The following ZNF684 variants were observed in gnomAD, a reference collection of about 807,000 sequenced individuals.
ZNF684 encodes the protein hypothetical protein MGC27466.
ZNF684 carries 13 observed loss-of-function variants against 12.8 expected under a neutral mutation model. That is an observed-to-expected ratio of 1.02 (90% CI 0.66 to 1.62). The LOEUF is 1.62. Ranked by LOEUF, ZNF684 falls within the 40% of genes most tolerant of loss-of-function variation. ZNF684 has a pLI of 0.00. For missense variants in ZNF684, 384 were observed against 446.9 expected (o/e 0.86, Z 1.27); for synonymous variants, 118 against 151.8 (o/e 0.78, Z 1.64).
At chr1:40,536,308 G>T (rs1273436868) in intron 2 of ZNF684, among the ~76,000 whole-genome samples, 6 of 150,818 alleles carry the variant, frequency 4.0e-5, no homozygotes, top group Admixed American at 2.0e-4. Context: ...GCAGGAGAAT[G>T]GCATGAACCC....
At chr1:40,532,671 C>G (rs968536128) in intron 1 of ZNF684, among the ~76,000 whole-genome samples, 11 of 152,104 alleles carry the variant, frequency 7.2e-5, no homozygotes, top group African/African-American at 2.7e-4. Context: ...AAAAGTGTTC[C>G]TGGGTCCCTG....
chr1:40,532,656 T>TAA (rs1337624532), intron 1 of ZNF684, among the ~76,000 whole-genome samples: 1 of 150,888 alleles, frequency 6.6e-6, no homozygotes, highest in Non-Finnish European at 1.5e-5. Flanking sequence ...AAAAAAAAAA[T>TAA]AAAAAAAAGT....
intron 4 of ZNF684, chr1:40,544,342 AAAAAGT>A (rs1646032208): frequency 2.4e-6 from 1 of 410,548 alleles, no homozygotes; most frequent in Non-Finnish European, 4.8e-6. Flanking sequence ...ATATATAAAT[AAAAAGT>A]AAAAGTTTTG....
At position 40,546,670 on chromosome 1, in the gene ZNF684, T is replaced by C; in HGVS notation, c.347T>C (p.Ile116Thr). ...AATAAAATTCTGACTATGGAGAGAA[T>C]CCACCATTATAATATGAGCACAAGT... ...TFNKILTMER[I>T]HHYNMSTSLN... is the part of the protein sequence containing the mutation. Residue 116 changes from isoleucine to threonine, a missense_variant, in exon 5 of 5, where the codon ATC becomes ACC. By Grantham distance (89) the Ile-to-Thr change is moderately conservative. Coordinates refer to ENST00000372699, the MANE Select transcript of ZNF684 (RefSeq NM_152373.4). 6.2e-7 allele frequency: 1 copy of C among 1,609,524 alleles called. No homozygotes were observed. The highest frequency in any genetic ancestry group is 8.5e-7 in the Non-Finnish European group (1 of 1,178,932).
chr1:40,545,004 A>G (rs1345251702), intron 4 of ZNF684: 2 of 152,222 alleles, frequency 1.3e-5, no homozygotes, highest in East Asian at 3.8e-4. Flanking sequence ...AGTGAAATGC[A>G]TGCTTCCCAT....
At chr1:40,540,961 G>A (rs978638923) in intron 3 of ZNF684, among the ~76,000 whole-genome samples, 4 of 150,556 alleles carry the variant, frequency 2.7e-5, no homozygotes, top group Non-Finnish European at 5.9e-5. Flanking sequence ...GGAGGCTGAG[G>A]TGGAAGGATC....
In ZNF684 at chr1:40,546,842, T is replaced by C; in HGVS notation, c.519T>C (p.His173=). ...GGAAAGCCTTCAAAAAGAAGTTTCATTTCATTAGACATGAAAAAAATCATA... is the reference window on the plus strand; with the variant it reads ...GGAAAGCCTTCAAAAAGAAGTTTCACTTCATTAGACATGAAAAAAATCATA... ...ECGKAFKKKF[H]FIRHEKNHTR... Residue 173 remains histidine, a synonymous_variant, in exon 5 of 5, where the codon CAT becomes CAC. Transcript: ENST00000372699. The C allele has an allele frequency of 6.2e-7, 1 of 1,612,656 alleles. No homozygotes were observed. Among genetic ancestry groups the C allele is most frequent in the Non-Finnish European group, 8.5e-7 (1 of 1,179,726 alleles).
chr1:40,546,863 T>A lies in ZNF684; in HGVS notation c.540T>A (p.Asn180Lys). 1 of 1,613,060 alleles carries A rather than the reference T, an allele frequency of 6.2e-7. No individual in the cohort carries two copies. Among genetic ancestry groups the A allele is most frequent in the Non-Finnish European group, 8.5e-7 (1 of 1,179,796 alleles). Residue 180 changes from asparagine to lysine, a missense_variant, in exon 5 of 5, where the codon AAT becomes AAA. By Grantham distance (94) the Asn-to-Lys change is moderately conservative (BLOSUM62 0). Transcript: ENST00000372699. The stretch of plus-strand genomic sequence containing the variant: ...TTCATTTCATTAGACATGAAAAAAA[T>A]CATACAAGGAAAAAACCTTTTGAAT... ...KKFHFIRHEK[N>K]HTRKKPFECN...
Position 40,541,709 on chromosome 1 carries a change from A to AG in ZNF684, c.238+1dup, listed in dbSNP as rs1646017424. ...GAGCGAATCCACACGAGAGCTCTCCAGGTGAGTGAGAGAAATTCAGATGGG... is the reference window on the plus strand; with the variant it reads ...GAGCGAATCCACACGAGAGCTCTCCAGGGTGAGTGAGAGAAATTCAGATGGG... On this transcript the variant is annotated frameshift_variant and splice_region_variant, in exon 4 of 5. Transcript: ENST00000372699. LOFTEE classifies it low-confidence loss of function (END_TRUNC). The AG allele has an allele frequency of 1.9e-6, 3 of 1,611,798 alleles. No individual in the cohort carries two copies. The highest frequency in any genetic ancestry group is 1.7e-5 in the Admixed American group (1 of 59,834).
rs1645966405 is a variant in ZNF684, at chr1:40,533,138, C to T, written c.-24-5C>T. On this transcript the variant is annotated splice_polypyrimidine_tract_variant and splice_region_variant and intron_variant, in intron 1 of 4. Coordinates refer to ENST00000372699, the MANE Select transcript of ZNF684 (RefSeq NM_152373.4). Reference sequence around the variant, plus strand: ...CTATTCTCTTCCCCATTTCTACTTTCATAGATTTCTGTGTAAGAGCTGCAG... The same window carrying T: ...CTATTCTCTTCCCCATTTCTACTTTTATAGATTTCTGTGTAAGAGCTGCAG... 2 of 1,611,306 alleles carry T rather than the reference C, an allele frequency of 1.2e-6. No individual in the cohort carries two copies. The highest frequency in any genetic ancestry group is 1.7e-6 in the Non-Finnish European group (2 of 1,177,788).
At chr1:40,539,205 A>G (rs1169666256) in intron 2 of ZNF684, among the ~76,000 whole-genome samples, 2 of 151,810 alleles carry the variant, frequency 1.3e-5, no homozygotes, top group Non-Finnish European at 2.9e-5. Flanking sequence ...GATTTTTTGT[A>G]TTTTTAGTAG....
chr1:40,532,358 C>CTTTTT (rs3082563), intron 1 of ZNF684, among the ~76,000 whole-genome samples: 14 of 143,764 alleles, frequency 9.7e-5, no homozygotes, highest in African/African-American at 2.5e-4. Context: ...CTCCAAATTT[C>CTTTTT]TTTTTTTTTT....
intron 4 of ZNF684, chr1:40,544,551 C>T (rs1255288435): frequency 1.5e-5 from 4 of 268,064 alleles, no homozygotes; most frequent in Admixed American, 1.0e-4. Context: ...ACGGTTTCAC[C>T]ATGTTGGCCA....
intron 1 of ZNF684, among the ~76,000 whole-genome samples, 153 bp from the exon 2 acceptor site, chr1:40,532,990 C>A (rs1042737325): frequency 6.6e-6 from 1 of 152,198 alleles, no homozygotes; most frequent in Non-Finnish European, 1.5e-5. Flanking sequence ...ATGGACTTTT[C>A]TGTCTTGCTA....
chr1:40,537,167 C>T (rs1212506202), intron 2 of ZNF684, among the ~76,000 whole-genome samples: 1 of 152,200 alleles, frequency 6.6e-6, no homozygotes, highest in African/African-American at 2.4e-5. Context: ...ACATCCTCTC[C>T]AGCACCTGTT....
Position 40,547,643 on chromosome 1 carries a change from G to A in ZNF684, c.*183G>A. The A allele has an allele frequency of 2.0e-6, 1 of 497,296 alleles. No homozygotes were observed. Among genetic ancestry groups the A allele is most frequent in the Non-Finnish European group, 3.4e-6 (1 of 297,790 alleles). The allele number at this position is 497,296 out of a possible 1,614,324, so 30.8% of individuals were successfully genotyped here. A position where few individuals can be genotyped will look rare whatever the true frequency, so the allele number is the denominator to read the frequency against. ...TAAACTTTTTACAGAAAATATGACA[G>A]AAAACAACTATAAATAATAGAGCAT... On this transcript the variant is annotated 3_prime_UTR_variant, in exon 5 of 5. Coordinates refer to ENST00000372699, the MANE Select transcript of ZNF684 (RefSeq NM_152373.4).
chr1:40,547,167 T>C lies in ZNF684; in HGVS notation c.844T>C (p.Tyr282His). The C allele has an allele frequency of 1.2e-6, 2 of 1,614,222 alleles. No individual in the cohort carries two copies. Among genetic ancestry groups the C allele is most frequent in the South Asian group, 1.1e-5 (1 of 91,084 alleles). ...ECKECGKTFR[Y>H]SSSLYKHSRF... The stretch of plus-strand genomic sequence containing the variant: ...TAAGGAATGTGGGAAAACCTTCAGG[T>C]ATAGTTCATCCCTTTATAAACATTC... Residue 282 changes from tyrosine to histidine, a missense_variant, in exon 5 of 5, where the codon TAT (tyrosine) becomes CAT (histidine). Tyr to His is a moderately conservative substitution (Grantham distance 83, BLOSUM62 2). Coordinates refer to ENST00000372699, the MANE Select transcript of ZNF684 (RefSeq NM_152373.4).
At chr1:40,546,458 T>G in intron 4 of ZNF684, 104 bp from the exon 5 acceptor site, 1 of 1,172,634 alleles carries the variant, frequency 8.5e-7, no homozygotes, top group Non-Finnish European at 1.2e-6. Context: ...AAATATAAGA[T>G]TTCTTTCAGA....
chr1:40,535,151 C>G (rs993427652), intron 2 of ZNF684, among the ~76,000 whole-genome samples: 1 of 152,168 alleles, frequency 6.6e-6, no homozygotes, highest in Non-Finnish European at 1.5e-5. Flanking sequence ...ATACCTTCCC[C>G]CATATTTTCC....
Sources: gnomAD v4.1 joint callset for allele counts (sites outside exome capture counted in the v4.1 genomes callset) on GRCh38, gnomAD v4.1.1 for gene constraint, MANE v1.5 for transcripts, NCBI Gene and HGNC (gene_info 2026-07-23, HGNC 2026-07-21) for gene names.